Variants in VHL observed in about 807,000 individuals in gnomAD.
VHL encodes von Hippel-Lindau disease tumor suppressor.
VHL carries 10 observed loss-of-function variants against 19.2 expected under a neutral mutation model. The observed-to-expected ratio is 0.52, with a 90% CI of 0.32 to 0.89. The LOEUF (loss-of-function observed/expected upper bound fraction) is 0.89. VHL is among the 40% of genes least tolerant of loss of function. The pLI is 0.03. For synonymous variants in VHL, 167 were observed against 129.5 expected, an observed-to-expected ratio of 1.29 and a Z score of -1.97; for missense variants, 328 against 292.7, an observed-to-expected ratio of 1.12 and a Z score of -0.88.
In VHL at chr3:10,149,890, A is replaced by G. The variant is rs1696362922; in HGVS notation, c.567A>G (p.Glu189=). ...TCAGGTCGCTCTACGAAGATCTGGAAGACCACCCAAATGTGCAGAAAGACC... is the reference window on the plus strand; with the variant it reads ...TCAGGTCGCTCTACGAAGATCTGGAGGACCACCCAAATGTGCAGAAAGACC... ...DIVRSLYEDL[E]DHPNVQKDLE... is the part of the protein sequence containing the mutation. The change falls in exon 3 of 3, where the codon GAA becomes GAG. Residue 189 remains glutamate (E), a synonymous_variant. Coordinates refer to ENST00000256474, the MANE Select transcript of VHL (RefSeq NM_000551.4). 2 of 1,614,102 alleles carry G rather than the reference A, an allele frequency of 1.2e-6. No individual in the cohort carries two copies. Among genetic ancestry groups the G allele is most frequent in the Admixed American group, 1.7e-5 (1 of 59,994 alleles).
intron 1 of VHL, among the ~76,000 whole-genome samples, chr3:10,144,237 CAGG>C (rs1696198580): frequency 6.6e-6 from 1 of 151,282 alleles, no homozygotes; most frequent in African/African-American, 2.4e-5. Flanking sequence ...GAGGCTGAGG[CAGG>C]AGGATTTCTT....
chr3:10,145,645 G>T lies in VHL; in HGVS notation c.341-869G>T, dbSNP rs112318499. Among the ~76,000 whole-genome samples, 325 of 150,304 alleles carry T rather than the reference G, an allele frequency of 2.2e-3. 2 individuals are homozygous for T. The highest frequency in any genetic ancestry group is 3.2e-3 in the Non-Finnish European group (219 of 67,816). On this transcript the variant is annotated intron_variant, in intron 1 of 2. Transcript: ENST00000256474. ...GGCATAAACCTGGGAGGCGGAGCTTGCAGTGAGCCGAGATCGTGCCACTGC... is the reference window on the plus strand; with the variant it reads ...GGCATAAACCTGGGAGGCGGAGCTTTCAGTGAGCCGAGATCGTGCCACTGC...
Position 10,141,882 on chromosome 3 carries a change from A to C in VHL, c.35A>C (p.Glu12Ala). Residue 12 changes from glutamate to alanine, a missense_variant, in exon 1 of 3, where the codon GAG (glutamate) becomes GCG (alanine). Glu to Ala is a moderately radical substitution (Grantham distance 107, BLOSUM62 -1). Transcript: ENST00000256474. ...AGGGCGGAGAACTGGGACGAGGCCG[A>C]GGTAGGCGCGGAGGAGGCAGGCGTC... Reference protein sequence around the residue: ...PRRAENWDEAEVGAEEAGVEE... With the variant: ...PRRAENWDEAAVGAEEAGVEE... The C allele has an allele frequency of 6.5e-7, 1 of 1,533,660 alleles. No homozygotes were observed. Among genetic ancestry groups the C allele is most frequent in the South Asian group, 1.2e-5 (1 of 82,394 alleles).
chr3:10,149,480 G>A (rs556858579), intron 2 of VHL, among the ~76,000 whole-genome samples: 1 of 152,274 alleles, frequency 6.6e-6, no homozygotes, highest in Non-Finnish European at 1.5e-5. Context: ...TATAAAAGCA[G>A]AAGTCAGCAG....
intron 2 of VHL, among the ~76,000 whole-genome samples, chr3:10,147,390 A>T (rs1420432703): frequency 6.8e-6 from 1 of 147,648 alleles, no homozygotes; most frequent in Admixed American, 6.8e-5. Flanking sequence ...ATTTTTAGAG[A>T]GTCTCACAGT....
intron 2 of VHL, among the ~76,000 whole-genome samples, chr3:10,148,396 GC>G (rs1314294493): frequency 7.1e-6 from 1 of 140,140 alleles, no homozygotes; most frequent in Non-Finnish European, 1.5e-5. Context: ...CTCACTGCAA[GC>G]TCCGCCTCCC....
intron 1 of VHL, among the ~76,000 whole-genome samples, chr3:10,146,064 T>A (rs1696247372): frequency 6.6e-6 from 1 of 152,132 alleles, no homozygotes; most frequent in Admixed American, 6.6e-5. Context: ...ACTGAGATAA[T>A]GTTACTAGAA....
rs1163342302 is a variant in VHL at position 10,150,577 on chromosome 3, T to G, written c.*612T>G. 4.1e-6 allele frequency: 1 copy of G among 245,336 alleles called. No individual in the cohort carries two copies. The highest frequency in any genetic ancestry group is 8.0e-6 in the Non-Finnish European group (1 of 124,908). The allele number at this position is 245,336 out of a possible 1,614,324, so 15.2% of individuals were successfully genotyped here. On this transcript the variant is annotated 3_prime_UTR_variant, in exon 3 of 3. Coordinates refer to ENST00000256474, the MANE Select transcript of VHL (RefSeq NM_000551.4). ...GTGGGAGAGGGGACCTTAAAATGTG[T>G]ACAGTGAACAAATGTCTTAAAGGGA...
chr3:10,149,647 C>CA, intron 2 of VHL, 140 bp from the exon 3 acceptor site: 1 of 743,688 alleles, frequency 1.3e-6, no homozygotes, highest in Non-Finnish European at 2.4e-6. Context: ...AACACACTGC[C>CA]ACATACATGC....
Position 10,142,013 on chromosome 3 carries a change from G to A in VHL, c.166G>A (p.Ala56Thr), listed in dbSNP as rs1421828060. The A allele has an allele frequency of 6.3e-7, 1 of 1,589,374 alleles. No individual in the cohort carries two copies. The highest frequency in any genetic ancestry group is 8.5e-7 in the Non-Finnish European group (1 of 1,169,674). The change falls in exon 1 of 3, where the codon GCC (alanine) becomes ACC (threonine). Residue 56 changes from alanine (A) to threonine (T), a missense_variant. By Grantham distance (58) the Ala-to-Thr change is moderately conservative (BLOSUM62 0). Coordinates refer to ENST00000256474, the MANE Select transcript of VHL (RefSeq NM_000551.4). ...ACTGGGCGCCGAGGAGGAGATGGAG[G>A]CCGGGCGGCCGCGGCCCGTGCTGCG... Reference protein sequence around the residue: ...EELGAEEEMEAGRPRPVLRSV... With the variant: ...EELGAEEEMETGRPRPVLRSV...
chr3:10,145,695 G>GGA, intron 1 of VHL, among the ~76,000 whole-genome samples: 1 of 122,460 alleles, frequency 8.2e-6, no homozygotes. Flanking sequence ...GACAGAGCAA[G>GGA]ACTGCATCTC....
At position 10,146,578 on chromosome 3, in the gene VHL, A is replaced by G. The variant is rs119103278; in HGVS notation, c.405A>G (p.Leu135=). 6.2e-7 allele frequency: 1 copy of G among 1,613,964 alleles called. No individual in the cohort carries two copies. The highest frequency in any genetic ancestry group is 8.5e-7 in the Non-Finnish European group (1 of 1,179,924). ...HDGLLVNQTE[L]FVPSLNVDGQ... is the part of the protein sequence containing the mutation. Reference sequence around the variant, plus strand: ...GGCTTCTGGTTAACCAAACTGAATTATTTGTGCCATCTCTCAATGTTGACG... The same window carrying G: ...GGCTTCTGGTTAACCAAACTGAATTGTTTGTGCCATCTCTCAATGTTGACG... Residue 135 remains leucine, a synonymous_variant, in exon 2 of 3, where the codon TTA becomes TTG. Coordinates refer to ENST00000256474, the MANE Select transcript of VHL (RefSeq NM_000551.4).
chr3:10,147,427 C>T (rs144442398), intron 2 of VHL, among the ~76,000 whole-genome samples: 138 of 150,218 alleles, frequency 9.2e-4, no homozygotes, highest in African/African-American at 3.2e-3. Context: ...TGCAGTGGTG[C>T]GATTTCAGCT....
Position 10,141,806 on chromosome 3 carries a change from A to T in VHL, c.-42A>T. On this transcript the variant is annotated 5_prime_UTR_variant, in exon 1 of 3. Coordinates refer to ENST00000256474, the MANE Select transcript of VHL (RefSeq NM_000551.4). ...GCTCCGCCCCGCGTCCGACCCGCGGATCCCGCGGCGTCCGGCCCGGGTGGT... is the reference window on the plus strand; with the variant it reads ...GCTCCGCCCCGCGTCCGACCCGCGGTTCCCGCGGCGTCCGGCCCGGGTGGT... 1 of 1,534,982 alleles carries T rather than the reference A, an allele frequency of 6.5e-7. No homozygotes were observed. Among genetic ancestry groups the T allele is most frequent in the Non-Finnish European group, 8.8e-7 (1 of 1,139,656 alleles).
chr3:10,143,356 T>G (rs1696175454), intron 1 of VHL, among the ~76,000 whole-genome samples: 1 of 152,152 alleles, frequency 6.6e-6, no homozygotes, highest in South Asian at 2.1e-4. Context: ...CTCGAACTCC[T>G]GACCTCAGAT....
At chr3:10,142,700 C>T in intron 1 of VHL, 1 of 164,536 alleles carries the variant, frequency 6.1e-6, no homozygotes, top group Non-Finnish European at 1.3e-5. Flanking sequence ...CCCCCCAGTC[C>T]CCCACCCCAC....
chr3:10,145,692 CAA>C, intron 1 of VHL, among the ~76,000 whole-genome samples: 1 of 127,092 alleles, frequency 7.9e-6, no homozygotes. Context: ...GGCGACAGAG[CAA>C]GACTGCATCT....
In VHL at chr3:10,150,195, C is replaced by T; in HGVS notation, c.*230C>T. ...GCCTGCCCATTAGAGAAGTATTTAT[C>T]AGGAGAAGGTGGTGGCATTTTTGCT... is the stretch of plus-strand genomic sequence containing the variant. On this transcript the variant is annotated 3_prime_UTR_variant, in exon 3 of 3. Transcript: ENST00000256474. The T allele has an allele frequency of 1.4e-6, 2 of 1,390,316 alleles. No homozygotes were observed. Among genetic ancestry groups the T allele is most frequent in the East Asian group, 2.8e-5 (1 of 35,364 alleles). 86.1% of individuals were successfully genotyped at this position (1,390,316 alleles called of 1,614,324 possible).
At chr3:10,148,792 T>C (rs1013692311) in intron 2 of VHL, among the ~76,000 whole-genome samples, 8 of 150,752 alleles carry the variant, frequency 5.3e-5, no homozygotes, top group Non-Finnish European at 1.0e-4. Flanking sequence ...GCGATTCTCC[T>C]GCTTCAGCAG....
Sources: allele counts gnomAD v4.1 joint callset (sites outside exome capture counted in the v4.1 genomes callset), GRCh38; gene constraint gnomAD v4.1.1; transcripts MANE v1.5; gene names NCBI Gene and HGNC (gene_info 2026-07-23, HGNC 2026-07-21).